CNTNAP2: variants seen among roughly 807,000 people sequenced by gnomAD.
CNTNAP2 encodes contactin associated protein 2, also known as contactin-associated protein-like 2.
Under a neutral mutation model 155.2 loss-of-function variants are expected in CNTNAP2, and 98 were observed. That is an observed-to-expected ratio of 0.63 (90% CI 0.54 to 0.75). The LOEUF (loss-of-function observed/expected upper bound fraction) is 0.75. Ranked by LOEUF, CNTNAP2 falls within the 30% of genes least tolerant of loss-of-function variation. The pLI is 0.00. For synonymous variants in CNTNAP2, 651 were observed against 631.2 expected, an observed-to-expected ratio of 1.03 and a Z score of -0.47; for missense variants, 1,727 against 1,688.1, an observed-to-expected ratio of 1.02 and a Z score of -0.40.
chr7:146,332,807 A>G (rs1192050621), intron 1 of CNTNAP2, among the ~76,000 whole-genome samples: 1 of 152,092 alleles, frequency 6.6e-6, no homozygotes, highest in Admixed American at 6.6e-5. Flanking sequence ...TCTGATTTTT[A>G]CTTGTGAAAC....
intron 13 of CNTNAP2, among the ~76,000 whole-genome samples, chr7:147,809,709 C>T (rs1403719861): frequency 6.6e-6 from 1 of 152,122 alleles, no homozygotes; most frequent in African/African-American, 2.4e-5. Flanking sequence ...TTTTTTGCTC[C>T]ATATTGTATT....
At chr7:146,649,819 CAT>C (rs1799875047) in intron 1 of CNTNAP2, among the ~76,000 whole-genome samples, 1 of 151,900 alleles carries the variant, frequency 6.6e-6, no homozygotes, top group Non-Finnish European at 1.5e-5. Context: ...TTTCCCAAAC[CAT>C]AGTCTTAAAC....
chr7:147,905,297 C>T (rs544156523), intron 14 of CNTNAP2, among the ~76,000 whole-genome samples: 19 of 152,284 alleles, frequency 1.2e-4, no homozygotes, highest in African/African-American at 4.6e-4. Context: ...GGGAACAGAG[C>T]CCCAGCTGGT....
At chr7:146,699,998 G>T (rs1319114140) in intron 1 of CNTNAP2, among the ~76,000 whole-genome samples, 1 of 152,030 alleles carries the variant, frequency 6.6e-6, no homozygotes, top group Admixed American at 6.6e-5. Flanking sequence ...AAATATTCAG[G>T]GGGTATTTCA....
intron 10 of CNTNAP2, among the ~76,000 whole-genome samples, chr7:147,468,653 G>A (rs1798160409): frequency 6.6e-6 from 1 of 152,134 alleles, no homozygotes; most frequent in South Asian, 2.1e-4. Flanking sequence ...AGATTTGAGA[G>A]AAAAGGGATA....
intron 12 of CNTNAP2, among the ~76,000 whole-genome samples, chr7:147,606,043 C>CA (rs35372583): frequency 0.013 from 1,900 of 151,260 alleles, 20 homozygotes; most frequent in Non-Finnish European, 0.02. Flanking sequence ...GCAAGCAAAC[C>CA]AAAAAAAACA....
chr7:147,154,865 T>A (rs182603316), intron 8 of CNTNAP2, among the ~76,000 whole-genome samples: 2 of 151,858 alleles, frequency 1.3e-5, no homozygotes, highest in African/African-American at 2.4e-5. Flanking sequence ...AACAAAAACA[T>A]ATAGTTAGAT....
intron 1 of CNTNAP2, among the ~76,000 whole-genome samples, chr7:146,340,362 G>T (rs1476943977): frequency 7.2e-6 from 1 of 138,856 alleles, no homozygotes; most frequent in Non-Finnish European, 1.5e-5. Flanking sequence ...ATATTTGTTT[G>T]CTGCTTATGA....
intron 10 of CNTNAP2, among the ~76,000 whole-genome samples, chr7:147,412,142 A>T (rs1563194992): frequency 6.6e-6 from 1 of 152,186 alleles, no homozygotes; most frequent in African/African-American, 2.4e-5. Context: ...CTCGAAATTC[A>T]TCAGTAACTT....
In CNTNAP2 at chr7:146,150,800, C is replaced by CAT. The variant is rs893892337; in HGVS notation, c.97+33836_97+33837dup. On this transcript the variant is annotated intron_variant, in intron 1 of 23. Coordinates refer to ENST00000361727, the MANE Select transcript of CNTNAP2 (RefSeq NM_014141.6). ...GGAATGAGTCAATAATGCTTATTACCATATATATATCACCACTAATCTTTA... is the reference window on the plus strand; with the variant it reads ...GGAATGAGTCAATAATGCTTATTACCATATATATATATCACCACTAATCTTTA... Among the ~76,000 whole-genome samples the CAT allele has an allele frequency of 1.5e-4, 23 of 151,754 alleles. 1 individual carries two copies. The highest frequency in any genetic ancestry group is 2.9e-4 in the Non-Finnish European group (20 of 67,932).
chr7:148,189,238 A>T (rs1795166030), intron 18 of CNTNAP2, among the ~76,000 whole-genome samples: 1 of 152,114 alleles, frequency 6.6e-6, no homozygotes, highest in Non-Finnish European at 1.5e-5. Flanking sequence ...ATTTGCCTTT[A>T]CTTCCTCCAA....
At position 148,383,735 on chromosome 7, in the gene CNTNAP2, G is replaced by A. The variant is rs571404876; in HGVS notation, c.3562G>A (p.Ala1188Thr). ...CLSRVQFNQI[A>T]PLKAALRQTN... ...CTCCAGAGTCCAGTTCAACCAGATC[G>A]CCCCTCTCAAGGCCGCCTTGAGGCA... is the stretch of plus-strand genomic sequence containing the variant. Residue 1188 changes from alanine to threonine, a missense_variant, in exon 22 of 24, where the codon GCC becomes ACC. By Grantham distance (58) the Ala-to-Thr change is moderately conservative. Coordinates refer to ENST00000361727, the MANE Select transcript of CNTNAP2 (RefSeq NM_014141.6). 40 of 1,614,094 alleles carry A rather than the reference G, an allele frequency of 2.5e-5. No homozygotes were observed. The highest frequency in any genetic ancestry group is 8.3e-5 in the Admixed American group (5 of 60,012).
At chr7:147,061,018 T>C (rs1166803772) in intron 4 of CNTNAP2, among the ~76,000 whole-genome samples, 2 of 152,212 alleles carry the variant, frequency 1.3e-5, no homozygotes, top group African/African-American at 4.8e-5. Context: ...AATATTACTA[T>C]AATCGCTGAA....
intron 20 of CNTNAP2, among the ~76,000 whole-genome samples, chr7:148,229,993 T>G (rs1443507279): frequency 1.3e-5 from 2 of 152,158 alleles, no homozygotes; most frequent in Non-Finnish European, 2.9e-5. Context: ...TAGGGGGAAA[T>G]AGAATAAATG....
chr7:146,550,662 T>C (rs1266402708), intron 1 of CNTNAP2, among the ~76,000 whole-genome samples: 1 of 152,040 alleles, frequency 6.6e-6, no homozygotes, highest in African/African-American at 2.4e-5. Context: ...TCACAGTTGA[T>C]TCTAATTAAG....
rs1262565154 is a variant in CNTNAP2 at position 147,108,324 on chromosome 7, C to T, written c.728C>T (p.Ala243Val). ...GDYITLELKKAKLVLSLNLGS... is the reference protein window; with the variant it reads ...GDYITLELKKVKLVLSLNLGS... Reference sequence around the variant, plus strand: ...TACATTACCTTGGAACTGAAAAAAGCCAAGCTGGTCCTCAGTTTAAACTTA... The same window carrying T: ...TACATTACCTTGGAACTGAAAAAAGTCAAGCTGGTCCTCAGTTTAAACTTA... The change falls in exon 5 of 24, where the codon GCC becomes GTC. Residue 243 changes from alanine to valine, a missense_variant. Coordinates refer to ENST00000361727, the MANE Select transcript of CNTNAP2 (RefSeq NM_014141.6). 2 of 1,613,392 alleles carry T rather than the reference C, an allele frequency of 1.2e-6. No homozygotes were observed. Among genetic ancestry groups the T allele is most frequent in the Admixed American group, 1.7e-5 (1 of 59,912 alleles).
At chr7:147,267,580 A>G (rs1261637417) in intron 8 of CNTNAP2, among the ~76,000 whole-genome samples, 2 of 151,230 alleles carry the variant, frequency 1.3e-5, no homozygotes, top group Non-Finnish European at 2.9e-5. Context: ...CTGAATTCCT[A>G]TAATAGTGCT....
At chr7:148,018,644 T>C (rs1363856309) in intron 15 of CNTNAP2, among the ~76,000 whole-genome samples, 1 of 152,184 alleles carries the variant, frequency 6.6e-6, no homozygotes, top group African/African-American at 2.4e-5. Context: ...TTTTACTCGG[T>C]AGCAAAAGTG....
At chr7:146,306,717 A>G (rs532691555) in intron 1 of CNTNAP2, among the ~76,000 whole-genome samples, 1 of 152,078 alleles carries the variant, frequency 6.6e-6, no homozygotes, top group East Asian at 1.9e-4. Flanking sequence ...TATAAACAGA[A>G]CCAAAGACAA....
Sources: allele counts gnomAD v4.1 joint callset (sites outside exome capture counted in the v4.1 genomes callset), GRCh38; gene constraint gnomAD v4.1.1; transcripts MANE v1.5; gene names NCBI Gene and HGNC (gene_info 2026-07-23, HGNC 2026-07-21).